MEGF8: variants seen among roughly 807,000 people sequenced by gnomAD.
MEGF8 encodes the protein multiple EGF like domains 8.
Under a neutral mutation model 302.9 loss-of-function variants are expected in MEGF8, and 156 were observed. The ratio of observed to expected loss-of-function variants is 0.52; its 90% CI spans 0.45 to 0.59. The LOEUF is 0.59. Ranked by LOEUF, MEGF8 falls within the 20% of genes least tolerant of loss-of-function variation. MEGF8 has a pLI of 0.00. For missense variants in MEGF8, 3,345 were observed against 3,964.5 expected (o/e 0.84, Z 4.20); for synonymous variants, 1,621 against 1,660.5 (o/e 0.98, Z 0.58).
intron 8 of MEGF8, among the ~76,000 whole-genome samples, chr19:42,342,897 C>T (rs2039234670): frequency 1.3e-5 from 2 of 152,194 alleles, no homozygotes; most frequent in Non-Finnish European, 2.9e-5. Flanking sequence ...CTCCCTGAGC[C>T]AGTCACTGAG....
At chr19:42,367,621 T>G (rs1388848216) in intron 35 of MEGF8, among the ~76,000 whole-genome samples, 1 of 152,188 alleles carries the variant, frequency 6.6e-6, no homozygotes, top group Non-Finnish European at 1.5e-5. Context: ...TCTGTCTCCT[T>G]CTGGGAACAT....
chr19:42,369,424 G>T lies in MEGF8; in HGVS notation c.6642-107G>T. 1 of 1,183,830 alleles carries T rather than the reference G, an allele frequency of 8.4e-7. No homozygotes were observed. Among genetic ancestry groups the T allele is most frequent in the Non-Finnish European group, 1.2e-6 (1 of 837,950 alleles). The allele number at this position is 1,183,830 out of a possible 1,614,324, so 73.3% of individuals were successfully genotyped here. The stretch of plus-strand genomic sequence containing the variant: ...GAGAAGATAGCAACGGGACAGAGCA[G>T]GGATGAGCAACCAGTTGAGAAGAGG... On this transcript the variant is annotated intron_variant, in intron 37 of 41. Transcript: ENST00000251268. This position sits in a 1 kb window ranked among gnomAD's most constrained non-coding sequence, Gnocchi z 5.7.
intron 8 of MEGF8, among the ~76,000 whole-genome samples, chr19:42,340,980 T>C (rs1400421234): frequency 6.6e-6 from 1 of 152,132 alleles, no homozygotes; most frequent in Non-Finnish European, 1.5e-5. Flanking sequence ...TTGTTACTAT[T>C]TTAGAGGCAG....
At position 42,352,297 on chromosome 19, in the gene MEGF8, C is replaced by A. The variant is rs773382680; in HGVS notation, c.3191C>A (p.Pro1064His). The A allele has an allele frequency of 2.5e-6, 4 of 1,573,530 alleles. No individual in the cohort carries two copies. The African/African-American group carries it at 5.4e-5, about 21-fold the overall frequency. The change falls in exon 19 of 42, where the codon CCT (proline) becomes CAT (histidine). Residue 1064 changes from proline (P) to histidine (H), a missense_variant. Physicochemically the swap from Pro to His is moderately conservative, Grantham distance 77. Transcript: ENST00000251268. The surrounding 1 kb of genome is among the most constrained non-coding windows in gnomAD (Gnocchi z 4.4). ...GGCCTGGGGCTTCCCGTGGCCCTCC[C>A]TGCCCGCTGGGCATACGCCCGCTGT... ...GEGLGLPVAL[P>H]ARWAYARCPD...
chr19:42,326,513 G>A, intron 1 of MEGF8, 83 bp downstream of exon 1: 1 of 1,455,240 alleles, frequency 6.9e-7, no homozygotes, highest in South Asian at 1.5e-5. Context: ...CATTCCCAGA[G>A]CTCGGTTCTG....
At position 42,357,901 on chromosome 19, in the gene MEGF8, G is replaced by A. The variant is rs775734556; in HGVS notation, c.5012-243G>A. 4.6e-5 allele frequency among the ~76,000 whole-genome samples: 7 copies of A among 152,178 alleles called. No individual in the cohort carries two copies. Among genetic ancestry groups the A allele is most frequent in the Admixed American group, 1.3e-4 (2 of 15,286 alleles). The stretch of plus-strand genomic sequence containing the variant: ...TCACTGTCCCCTAGACATTCTGGAC[G>A]CCCTGTCTCCCTCCCGAGAGCCTGG... On this transcript the variant is annotated intron_variant, in intron 28 of 41. Coordinates refer to ENST00000251268, the MANE Select transcript of MEGF8 (RefSeq NM_001271938.2). This position sits in a 1 kb window ranked among gnomAD's most constrained non-coding sequence, Gnocchi z 5.2.
In MEGF8 at chr19:42,351,206, T is replaced by C. The variant is rs1409113933; in HGVS notation, c.2737-10T>C. 1 of 1,553,232 alleles carries C rather than the reference T, an allele frequency of 6.4e-7. No individual in the cohort carries two copies. ...TGGGGTTCTGACTCCTCTGCCCAAC[T>C]GACCCCCAGGACCCCTTCTGTGAGT... On this transcript the variant is annotated splice_polypyrimidine_tract_variant and intron_variant, in intron 15 of 41. Coordinates refer to ENST00000251268, the MANE Select transcript of MEGF8 (RefSeq NM_001271938.2). The surrounding 1 kb of genome is among the most constrained non-coding windows in gnomAD (Gnocchi z 5.6).
Position 42,355,821 on chromosome 19 carries a change from G to T in MEGF8, c.4208G>T (p.Gly1403Val), listed in dbSNP as rs770011525. The change falls in exon 24 of 42, where the codon GGC (glycine) becomes GTC (valine). Residue 1403 changes from glycine to valine, a missense_variant. Gly to Val is a moderately radical substitution (Grantham distance 109). Coordinates refer to ENST00000251268, the MANE Select transcript of MEGF8 (RefSeq NM_001271938.2). ...TCCTGGGGCTTCAATGCTTCGGTGG[G>T]CTCTGCCCGCTGTGGGTCAGGGGGC... ...SSSWGFNASV[G>V]SARCGSGGPG... The T allele has an allele frequency of 1.9e-6, 3 of 1,572,140 alleles. No individual in the cohort carries two copies. The highest frequency in any genetic ancestry group is 2.6e-6 in the Non-Finnish European group (3 of 1,158,556).
intron 41 of MEGF8, among the ~76,000 whole-genome samples, chr19:42,373,318 CT>C (rs940629654): frequency 4.0e-5 from 6 of 150,872 alleles, no homozygotes; most frequent in Non-Finnish European, 7.4e-5. Flanking sequence ...GTCTTGATCT[CT>C]TAACCTTGTG....
intron 5 of MEGF8, 66 bp downstream of exon 5, chr19:42,335,451 G>A: frequency 6.8e-7 from 1 of 1,462,686 alleles, no homozygotes; most frequent in East Asian, 2.3e-5. Context: ...GGGACCCCCG[G>A]AATGATCCCC....
Position 42,356,638 on chromosome 19 carries a change from G to A in MEGF8, c.4623-136G>A, listed in dbSNP as rs1329571232. 2 of 1,019,254 alleles carry A rather than the reference G, an allele frequency of 2.0e-6. No individual in the cohort carries two copies. The highest frequency in any genetic ancestry group is 1.4e-6 in the Non-Finnish European group (1 of 711,576). 63.1% of individuals were successfully genotyped at this position (1,019,254 alleles called of 1,614,324 possible). On this transcript the variant is annotated intron_variant, in intron 26 of 41. Coordinates refer to ENST00000251268, the MANE Select transcript of MEGF8 (RefSeq NM_001271938.2). This position sits in a 1 kb window ranked among gnomAD's most constrained non-coding sequence, Gnocchi z 5.2. ...GGACCAGGGTACTTATTTGGGTGGT[G>A]CTACTCCAGGGAATGGCAAGAGGAC...
intron 1 of MEGF8, among the ~76,000 whole-genome samples, chr19:42,332,718 G>C (rs532470069): frequency 1.3e-5 from 2 of 152,210 alleles, no homozygotes; most frequent in African/African-American, 4.8e-5. Flanking sequence ...AGCATTCTAC[G>C]AGGCCCAGGT....
intron 12 of MEGF8, among the ~76,000 whole-genome samples, chr19:42,347,343 GTCTC>G (rs1443066342): frequency 2.1e-5 from 3 of 141,762 alleles, no homozygotes; most frequent in Non-Finnish European, 4.5e-5. Context: ...TTGAGATGGA[GTCTC>G]TCTCTATCGC....
In MEGF8 at chr19:42,375,915, G is replaced by A. The variant is rs772398020; in HGVS notation, c.7678G>A (p.Ala2560Thr). The A allele has an allele frequency of 1.1e-5, 18 of 1,598,674 alleles. No individual in the cohort carries two copies. Among genetic ancestry groups the A allele is most frequent in the African/African-American group, 6.7e-5 (5 of 74,664 alleles). The change falls in exon 42 of 42, where the codon GCC (alanine) becomes ACC (threonine). Residue 2560 changes from alanine to threonine, a missense_variant. Coordinates refer to ENST00000251268, the MANE Select transcript of MEGF8 (RefSeq NM_001271938.2). The surrounding 1 kb of genome is among the most constrained non-coding windows in gnomAD (Gnocchi z 7.1). ...AGCAGGGGCCAGCAGTGGGCCGGGCGCCCCAGCAGAGCCACGGGTACGGGA... is the reference window on the plus strand; with the variant it reads ...AGCAGGGGCCAGCAGTGGGCCGGGCACCCCAGCAGAGCCACGGGTACGGGA... ...GGAGASSGPG[A>T]PAEPRVREVW...
In MEGF8 at chr19:42,354,141, A is replaced by G. The variant is rs911632994; in HGVS notation, c.4011+117A>G. 3 of 1,316,260 alleles carry G rather than the reference A, an allele frequency of 2.3e-6. No individual in the cohort carries two copies. The African/African-American group carries it at 4.5e-5, about 20-fold the overall frequency. The allele number at this position is 1,316,260 out of a possible 1,614,324, so 81.5% of individuals were successfully genotyped here. On this transcript the variant is annotated intron_variant, in intron 22 of 41. Transcript: ENST00000251268. The surrounding 1 kb of genome is among the most constrained non-coding windows in gnomAD (Gnocchi z 4.3). ...CTGTTTTTTTTTTTTTGTTTTTTTA[A>G]TCCTTCAAAACCCAAACTCCTCCTC...
chr19:42,337,391 C>A (rs2039142961), intron 8 of MEGF8, among the ~76,000 whole-genome samples, 185 bp downstream of exon 8: 1 of 152,218 alleles, frequency 6.6e-6, no homozygotes, highest in African/African-American at 2.4e-5. Flanking sequence ...AGATGGGAGG[C>A]CCTTACCGCA....
Position 42,353,238 on chromosome 19 carries a change from A to G in MEGF8, c.3550+111A>G. ...CCTCAGTGTCCTCTCATGCAGCTCT[A>G]GGTCCCCTGCCCCATTCCTGTTCCT... is the stretch of plus-strand genomic sequence containing the variant. On this transcript the variant is annotated intron_variant, in intron 20 of 41. Coordinates refer to ENST00000251268, the MANE Select transcript of MEGF8 (RefSeq NM_001271938.2). This position sits in a 1 kb window ranked among gnomAD's most constrained non-coding sequence, Gnocchi z 6.1. 8.9e-7 allele frequency: 1 copy of G among 1,120,244 alleles called. No homozygotes were observed. The highest frequency in any genetic ancestry group is 1.2e-6 in the Non-Finnish European group (1 of 802,042). 69.4% of individuals were successfully genotyped at this position (1,120,244 alleles called of 1,614,324 possible).
intron 8 of MEGF8, among the ~76,000 whole-genome samples, chr19:42,341,468 T>A (rs2039214168): frequency 6.6e-6 from 1 of 151,442 alleles, no homozygotes; most frequent in Non-Finnish European, 1.5e-5. Flanking sequence ...AAAAACAGAT[T>A]TTTTAAAATT....
In MEGF8 at chr19:42,353,242, C is replaced by G. The variant is rs954715661; in HGVS notation, c.3550+115C>G. 1.6e-5 allele frequency: 18 copies of G among 1,098,182 alleles called. No homozygotes were observed. In the African/African-American group the frequency reaches 2.1e-4, roughly 13 times the overall value. 68.0% of individuals were successfully genotyped at this position (1,098,182 alleles called of 1,614,324 possible). On this transcript the variant is annotated intron_variant, in intron 20 of 41. Transcript: ENST00000251268. The surrounding 1 kb of genome is among the most constrained non-coding windows in gnomAD (Gnocchi z 6.1). Reference sequence around the variant, plus strand: ...AGTGTCCTCTCATGCAGCTCTAGGTCCCCTGCCCCATTCCTGTTCCTGACT... The same window carrying G: ...AGTGTCCTCTCATGCAGCTCTAGGTGCCCTGCCCCATTCCTGTTCCTGACT...
Sources: allele counts gnomAD v4.1 joint callset (sites outside exome capture counted in the v4.1 genomes callset), GRCh38; gene constraint gnomAD v4.1.1; non-coding constraint Gnocchi (gnomAD v3.1); transcripts MANE v1.5; gene names NCBI Gene and HGNC (gene_info 2026-07-23, HGNC 2026-07-21).